The following AFF3 variants were observed in gnomAD, a reference collection of about 807,000 sequenced individuals.
AFF3 encodes the protein ALF transcription elongation factor 3.
AFF3 carries 32 observed loss-of-function variants against 129.7 expected under a neutral mutation model. The observed-to-expected ratio is 0.25, with a 90% CI of 0.19 to 0.33. The LOEUF (loss-of-function observed/expected upper bound fraction) is 0.33. Among genes scored for constraint, AFF3 ranks in the 10% least tolerant of loss-of-function variants. The probability of loss-of-function intolerance (pLI) is 1.00; values close to 1 mark genes in which losing one functional copy is unlikely to be tolerated. For missense variants in AFF3, 1,373 were observed against 1,592.0 expected (o/e 0.86, Z 2.34); for synonymous variants, 644 against 635.4 (o/e 1.01, Z -0.20).
At chr2:99,821,701 C>A (rs1007385971) in intron 8 of AFF3, among the ~76,000 whole-genome samples, 3 of 152,132 alleles carry the variant, frequency 2.0e-5, no homozygotes, top group Non-Finnish European at 4.4e-5. Context: ...GGCTTTTATC[C>A]GACTGGAAGC....
intron 18 of AFF3, among the ~76,000 whole-genome samples, chr2:99,577,085 C>T (rs1677069741): frequency 6.6e-6 from 1 of 152,150 alleles, no homozygotes; most frequent in South Asian, 2.1e-4. Context: ...CTTCCTAAAC[C>T]CAGTTACCTT....
chr2:100,105,462 G>A, intron 3 of AFF3, 42 bp downstream of exon 3: 1 of 1,323,752 alleles, frequency 7.6e-7, no homozygotes, highest in South Asian at 1.2e-5. Flanking sequence ...CCCTCTAGCT[G>A]GCCAGCCCTG....
chr2:99,653,080 CA>C (rs1424585236), intron 12 of AFF3, among the ~76,000 whole-genome samples: 1 of 152,186 alleles, frequency 6.6e-6, no homozygotes, highest in Non-Finnish European at 1.5e-5. Flanking sequence ...CAGGTGGCAT[CA>C]CTGCTGGCAG....
chr2:99,597,388 T>G (rs1057300639), intron 14 of AFF3, among the ~76,000 whole-genome samples: 3 of 152,228 alleles, frequency 2.0e-5, no homozygotes, highest in African/African-American at 7.2e-5. Flanking sequence ...ATGTTCGTAT[T>G]TGTTTCATGT....
chr2:99,826,875 C>T (rs1688124725), intron 8 of AFF3, among the ~76,000 whole-genome samples: 1 of 151,510 alleles, frequency 6.6e-6, no homozygotes, highest in Admixed American at 6.6e-5. Context: ...AGAGGGCTGG[C>T]AAGCAGGTCT....
chr2:99,826,877 A>G (rs1688125735), intron 8 of AFF3, among the ~76,000 whole-genome samples: 1 of 151,618 alleles, frequency 6.6e-6, no homozygotes, highest in South Asian at 2.1e-4. Flanking sequence ...AGGGCTGGCA[A>G]GCAGGTCTCT....
At chr2:100,057,918 C>T (rs1217148739) in intron 4 of AFF3, among the ~76,000 whole-genome samples, 1 of 152,100 alleles carries the variant, frequency 6.6e-6, no homozygotes, top group Non-Finnish European at 1.5e-5. Context: ...TTCATGGTTC[C>T]CTTGGGAACA....
rs533794193 is a variant in AFF3 at position 100,098,790 on chromosome 2, G to A, written c.53+5612C>T. ...GCCCAGCTGGAGTCCCCAAGTTCTC[G>A]GCGCCCTGAACTAACCAGTCTCTCC... On this transcript the variant is annotated intron_variant, in intron 4 of 24. Transcript: ENST00000672756. Among the ~76,000 whole-genome samples, 15 of 103,452 alleles carry A rather than the reference G, an allele frequency of 1.4e-4. 1 individual carries two copies. The highest frequency in any genetic ancestry group is 3.2e-4 in the South Asian group (1 of 3,144). The allele number at this position is 103,452 out of a possible 152,430, so 67.9% of individuals were successfully genotyped here.
rs146587891 is a variant in AFF3 at position 100,113,960 on chromosome 2, G to T, written c.-144-8377C>A. On this transcript the variant is annotated intron_variant, in intron 2 of 24. Transcript: ENST00000672756. ...GAAGGGAGATGGAAAAGGAGCCAAG[G>T]CCAGGGCAAGAGATTGGGGCCAGAT... Among the ~76,000 whole-genome samples the T allele has an allele frequency of 8.0e-3, 1,222 of 152,256 alleles. 10 individuals are homozygous for T. Among genetic ancestry groups the T allele is most frequent in the Non-Finnish European group, 0.013 (851 of 68,016 alleles).
chr2:99,642,342 A>C (rs1684286825), intron 13 of AFF3, among the ~76,000 whole-genome samples: 1 of 130,644 alleles, frequency 7.7e-6, no homozygotes. Flanking sequence ...TTTTTTTCTC[A>C]TTTTTCCATT....
chr2:99,950,677 A>G (rs190897075), intron 7 of AFF3, among the ~76,000 whole-genome samples: 2 of 152,346 alleles, frequency 1.3e-5, no homozygotes, highest in East Asian at 3.9e-4. Context: ...AAATTCATAG[A>G]TTGAAAATTT....
intron 7 of AFF3, among the ~76,000 whole-genome samples, chr2:99,862,011 T>C (rs564741494): frequency 1.2e-4 from 18 of 152,250 alleles, no homozygotes; most frequent in African/African-American, 3.9e-4. Context: ...CTGCTGCAGA[T>C]TTAGAAAGAT....
At position 99,563,183 on chromosome 2, in the gene AFF3, T is replaced by C. The variant is rs181722749; in HGVS notation, c.3119+2304A>G. Among the ~76,000 whole-genome samples the C allele has an allele frequency of 1.9e-4, 29 of 151,508 alleles. No homozygotes were observed. In the East Asian group the frequency reaches 5.1e-3, roughly 26 times the overall value. On this transcript the variant is annotated intron_variant, in intron 20 of 24. Coordinates refer to ENST00000672756, the MANE Select transcript of AFF3 (RefSeq NM_001386135.1). The stretch of plus-strand genomic sequence containing the variant: ...GGCAATGTGCGGATGTAATTAATGC[T>C]GTTTTCTTTTTTTTTTTTCTTTCTT...
In AFF3 at chr2:99,547,952, C is replaced by T. The variant is rs1674148774; in HGVS notation, c.*3522G>A. 1 of 211,632 alleles carries T rather than the reference C, an allele frequency of 4.7e-6. No homozygotes were observed. The highest frequency in any genetic ancestry group is 1.9e-4 in the South Asian group (1 of 5,328). The allele number at this position is 211,632 out of a possible 1,614,324, so 13.1% of individuals were successfully genotyped here. ...TTGTCAACTCTTCAGATTATTTTTCCAGTACATTCCTCATTAGATTGTGGG... is the reference window on the plus strand; with the variant it reads ...TTGTCAACTCTTCAGATTATTTTTCTAGTACATTCCTCATTAGATTGTGGG... On this transcript the variant is annotated 3_prime_UTR_variant, in exon 25 of 25. Coordinates refer to ENST00000672756, the MANE Select transcript of AFF3 (RefSeq NM_001386135.1).
intron 4 of AFF3, among the ~76,000 whole-genome samples, chr2:100,046,059 A>G (rs1685805493): frequency 6.6e-6 from 1 of 152,152 alleles, no homozygotes; most frequent in Admixed American, 6.5e-5. Context: ...AGTTCCAAGA[A>G]TAGTCTACCA....
At chr2:99,938,903 C>A (rs1457826593) in intron 7 of AFF3, among the ~76,000 whole-genome samples, 1 of 152,094 alleles carries the variant, frequency 6.6e-6, no homozygotes, top group Non-Finnish European at 1.5e-5. Context: ...ACATGCAGCC[C>A]CTCTGTATAC....
At chr2:100,016,939 G>A (rs1434345454) in intron 4 of AFF3, among the ~76,000 whole-genome samples, 4 of 151,394 alleles carry the variant, frequency 2.6e-5, no homozygotes, top group East Asian at 2.0e-4. Context: ...TGGTGATGAC[G>A]GTAGTGAAGT....
chr2:99,867,576 T>TAA (rs3072544), intron 7 of AFF3, among the ~76,000 whole-genome samples: 4,447 of 141,284 alleles, frequency 0.031, 100 homozygotes, highest in Non-Finnish European at 0.04. Context: ...ATTTCTATAT[T>TAA]AAAAAAAAAA....
intron 4 of AFF3, among the ~76,000 whole-genome samples, chr2:100,103,596 G>A (rs528918505): frequency 7.0e-4 from 107 of 151,886 alleles, no homozygotes; most frequent in African/African-American, 2.5e-3. Flanking sequence ...CCCGCAACTG[G>A]AATTAAACTG....
Sources: gnomAD v4.1 joint callset for allele counts (sites outside exome capture counted in the v4.1 genomes callset) on GRCh38, gnomAD v4.1.1 for gene constraint, MANE v1.5 for transcripts, NCBI Gene and HGNC (gene_info 2026-07-23, HGNC 2026-07-21) for gene names.